The following HACD1 variants were observed in gnomAD, a reference collection of about 807,000 sequenced individuals.
The protein encoded by HACD1 is very-long-chain (3R)-3-hydroxyacyl-CoA dehydratase 1.
HACD1 carries 41 observed loss-of-function variants against 32.0 expected under a neutral mutation model. The ratio of observed to expected loss-of-function variants is 1.28; its 90% CI spans 1.00 to 1.66. The LOEUF (loss-of-function observed/expected upper bound fraction) is 1.66. HACD1 is among the 40% of genes most tolerant of loss of function. The pLI is 0.00. For missense variants in HACD1, 396 were observed against 380.1 expected, an observed-to-expected ratio of 1.04 and a Z score of -0.35; for synonymous variants, 142 against 139.0, an observed-to-expected ratio of 1.02 and a Z score of -0.15.
At chr10:17,592,603 C>G (rs1449723308) in intron 6 of HACD1, among the ~76,000 whole-genome samples, 1 of 152,086 alleles carries the variant, frequency 6.6e-6, no homozygotes, top group Non-Finnish European at 1.5e-5. Flanking sequence ...GAAAAAGGTG[C>G]TTCAGGCTCT....
intron 1 of HACD1, among the ~76,000 whole-genome samples, chr10:17,606,225 C>T (rs559102904): frequency 2.6e-5 from 4 of 152,184 alleles, no homozygotes; most frequent in East Asian, 1.9e-4. Context: ...TATATGCCCT[C>T]GCTTTTAAAC....
intron 4 of HACD1, among the ~76,000 whole-genome samples, chr10:17,600,902 G>A (rs1310921130): frequency 2.0e-5 from 3 of 152,152 alleles, no homozygotes; most frequent in East Asian, 1.9e-4. Context: ...AACCATGTTT[G>A]TTTTATCAAC....
chr10:17,603,517 C>T (rs1424870223), intron 4 of HACD1, 43 bp downstream of exon 4: 1 of 1,493,332 alleles, frequency 6.7e-7, no homozygotes, highest in Non-Finnish European at 9.3e-7. Flanking sequence ...GAATGGAAAG[C>T]TTTCCTGCAG....
Position 17,603,544 on chromosome 10 carries a change from T to C in HACD1, c.483+16A>G, listed in dbSNP as rs1554816727. On this transcript the variant is annotated intron_variant, in intron 4 of 6. Transcript: ENST00000361271. ...TTCCTGCAGGCTCAAGTAGACAACA[T>C]GTTTGTGTCACTTACTGGTTTTATA... 2 of 1,579,770 alleles carry C rather than the reference T, an allele frequency of 1.3e-6. No homozygotes were observed. The highest frequency in any genetic ancestry group is 1.7e-5 in the Admixed American group (1 of 59,532).
rs1457835678 is a variant in HACD1, at chr10:17,590,075, T to G, written c.*289A>C. ...ATTGATTTAAAAAGCTTTGAGCATG[T>G]TTCAAAAAAAACTTAGCAAAAGTTT... On this transcript the variant is annotated 3_prime_UTR_variant, in exon 7 of 7. Transcript: ENST00000361271. 5.0e-6 allele frequency: 1 copy of G among 199,316 alleles called. No homozygotes were observed. Among genetic ancestry groups the G allele is most frequent in the African/African-American group, 2.3e-5 (1 of 43,288 alleles). 12.3% of individuals were successfully genotyped at this position (199,316 alleles called of 1,614,324 possible). A position where few individuals can be genotyped will look rare whatever the true frequency, so the allele number is the denominator to read the frequency against.
chr10:17,598,278 A>G (rs185895933), intron 5 of HACD1, among the ~76,000 whole-genome samples: 13 of 146,372 alleles, frequency 8.9e-5, no homozygotes, highest in Admixed American at 2.1e-4. Flanking sequence ...AAAAAAAAAA[A>G]AGAGAAAAAA....
At chr10:17,596,436 A>G (rs1405375395) in intron 5 of HACD1, among the ~76,000 whole-genome samples, 3 of 151,924 alleles carry the variant, frequency 2.0e-5, no homozygotes, top group Non-Finnish European at 4.4e-5. Flanking sequence ...TCAGTAAAAT[A>G]CCCAAACTGA....
chr10:17,611,096 G>T (rs1423249342), intron 1 of HACD1, among the ~76,000 whole-genome samples: 1 of 150,800 alleles, frequency 6.6e-6, no homozygotes, highest in Non-Finnish European at 1.5e-5. Context: ...TGCCTCCCGG[G>T]TTCAAGAGAT....
At chr10:17,600,252 T>A (rs1834050397) in intron 4 of HACD1, among the ~76,000 whole-genome samples, 2 of 152,198 alleles carry the variant, frequency 1.3e-5, no homozygotes, top group Admixed American at 6.5e-5. Flanking sequence ...AGCTAAAACA[T>A]CTCGCCCTCT....
At position 17,590,360 on chromosome 10, in the gene HACD1, T is replaced by A; in HGVS notation, c.*4A>T. The A allele has an allele frequency of 6.3e-7, 1 of 1,576,826 alleles. No individual in the cohort carries two copies. Among genetic ancestry groups the A allele is most frequent in the South Asian group, 1.1e-5 (1 of 87,192 alleles). ...GGAAAAAGCACCTTGTTTGCAGAGA[T>A]CATTTAATCATCCTTTTCTACAATC... On this transcript the variant is annotated 3_prime_UTR_variant, in exon 7 of 7. Transcript: ENST00000361271.
intron 4 of HACD1, among the ~76,000 whole-genome samples, 181 bp from the exon 5 acceptor site, chr10:17,599,592 C>A (rs1163656946): frequency 6.6e-6 from 1 of 152,176 alleles, no homozygotes; most frequent in Non-Finnish European, 1.5e-5. Context: ...GGAACTTAAA[C>A]GTATCTTATG....
At chr10:17,606,875 C>G (rs1000357983) in intron 1 of HACD1, among the ~76,000 whole-genome samples, 8 of 152,122 alleles carry the variant, frequency 5.3e-5, no homozygotes, top group African/African-American at 1.9e-4. Context: ...ATATTAACCT[C>G]AAATCCTCAC....
chr10:17,617,070 G>C lies in HACD1; in HGVS notation c.257+13C>G. ...CGCGGGGAGGGCCCGAGGGTGCCCC[G>C]CGGCGCGCGTACCCCGCGGTCATGG... On this transcript the variant is annotated intron_variant, in intron 1 of 6. Transcript: ENST00000361271. The C allele has an allele frequency of 6.8e-7, 1 of 1,471,778 alleles. No homozygotes were observed. 91.2% of individuals were successfully genotyped at this position (1,471,778 alleles called of 1,614,324 possible). A position where few individuals can be genotyped will look rare whatever the true frequency, so the allele number is the denominator to read the frequency against.
chr10:17,612,791 G>A lies in HACD1; in HGVS notation c.257+4292C>T, dbSNP rs577804219. On this transcript the variant is annotated intron_variant, in intron 1 of 6. Transcript: ENST00000361271. Reference sequence around the variant, plus strand: ...AAAAAAATTAGCCGGGCGTGGTGGCGGGCGCCAGTAGTCCCAGCTACTCAG... The same window carrying A: ...AAAAAAATTAGCCGGGCGTGGTGGCAGGCGCCAGTAGTCCCAGCTACTCAG... Among the ~76,000 whole-genome samples the A allele has an allele frequency of 6.6e-5, 10 of 151,938 alleles. No individual in the cohort carries two copies. The East Asian group carries it at 1.5e-3, about 24-fold the overall frequency.
intron 1 of HACD1, chr10:17,616,042 G>T: frequency 5.1e-6 from 1 of 194,830 alleles, no homozygotes; most frequent in Non-Finnish European, 1.1e-5. Context: ...GCCGAGGCGG[G>T]CGGATCATGA....
intron 6 of HACD1, among the ~76,000 whole-genome samples, chr10:17,592,497 GT>G (rs1833941860): frequency 2.0e-5 from 3 of 152,174 alleles, no homozygotes; most frequent in African/African-American, 7.2e-5. Context: ...TCTGGGCTGA[GT>G]GATTCTCTGG....
At chr10:17,602,405 T>C (rs1437430220) in intron 4 of HACD1, among the ~76,000 whole-genome samples, 1 of 152,122 alleles carries the variant, frequency 6.6e-6, no homozygotes, top group Admixed American at 6.6e-5. Context: ...TATCTTGACA[T>C]AGCAGCATGG....
In HACD1 at chr10:17,614,776, G is replaced by A. The variant is rs1466769022; in HGVS notation, c.257+2307C>T. 5.3e-5 allele frequency among the ~76,000 whole-genome samples: 8 copies of A among 151,874 alleles called. 1 individual carries two copies. The highest frequency in any genetic ancestry group is 2.0e-4 in the Admixed American group (3 of 15,248). ...TTTATTTTATTTTATTTTTTGAGAC[G>A]GAGTCTCACTCTGTCGCCCATGCTG... On this transcript the variant is annotated intron_variant, in intron 1 of 6. Transcript: ENST00000361271.
chr10:17,592,211 A>G (rs1433964528), intron 6 of HACD1, among the ~76,000 whole-genome samples: 1 of 151,676 alleles, frequency 6.6e-6, no homozygotes, highest in African/African-American at 2.4e-5. Context: ...TGAACTCCTG[A>G]CCTCAAGCAA....
Sources: gnomAD v4.1 joint callset for allele counts (sites outside exome capture counted in the v4.1 genomes callset) on GRCh38, gnomAD v4.1.1 for gene constraint, MANE v1.5 for transcripts, NCBI Gene and HGNC (gene_info 2026-07-23, HGNC 2026-07-21) for gene names.